The following RBPJ variants were observed in gnomAD, a reference collection of about 807,000 sequenced individuals.
RBPJ encodes recombining binding protein suppressor of hairless.
Under a neutral mutation model 67.8 loss-of-function variants are expected in RBPJ, and 9 were observed. The ratio of observed to expected loss-of-function variants is 0.13; its 90% CI spans 0.08 to 0.23. RBPJ has a LOEUF of 0.23. RBPJ is among the 10% of genes least tolerant of loss of function. The pLI, the probability that RBPJ is intolerant of heterozygous loss-of-function variation, is 1.00. For missense variants in RBPJ, 305 were observed against 595.6 expected (o/e 0.51, Z 5.08); for synonymous variants, 198 against 203.3 (o/e 0.97, Z 0.22).
chr4:26,232,088 G>C lies in RBPJ; in HGVS notation c.-167+68474G>C, dbSNP rs549453537. ...TTTTTGTATTTTTAGTAGAGACGGG[G>C]TTTCACCATGTTGGTTAGGCTGGTC... On this transcript the variant is annotated intron_variant, in intron 1 of 4. Transcript: ENST00000512351. 1.1e-3 allele frequency among the ~76,000 whole-genome samples: 174 copies of C among 151,586 alleles called. 2 individuals carry two copies. Among genetic ancestry groups the C allele is most frequent in the African/African-American group, 4.1e-3 (169 of 41,312 alleles).
rs115440555 is a variant in RBPJ, at chr4:26,260,592, A to G, written c.-167+96978A>G. On this transcript the variant is annotated intron_variant, in intron 1 of 4. Coordinates refer to the RBPJ transcript ENST00000512351. ...TCTAACCTTTCAAAATGGCCAGACA[A>G]CGGAAGATTTTGAAGTTGCTTTGTT... is the stretch of plus-strand genomic sequence containing the variant. 9.8e-3 allele frequency among the ~76,000 whole-genome samples: 1,487 copies of G among 152,338 alleles called. 19 individuals carry two copies. The highest frequency in any genetic ancestry group is 0.031 in the African/African-American group (1,302 of 41,578).
At chr4:26,335,923 A>G (rs552816387) in intron 1 of RBPJ, among the ~76,000 whole-genome samples, 41 of 152,210 alleles carry the variant, frequency 2.7e-4, no homozygotes, top group Non-Finnish European at 4.3e-4. Context: ...ACGCCCGGCA[A>G]TGCTTACTTC....
chr4:26,339,655 A>C (rs1255425518), intron 1 of RBPJ, among the ~76,000 whole-genome samples: 1 of 151,620 alleles, frequency 6.6e-6, no homozygotes, highest in Non-Finnish European at 1.5e-5. Context: ...GAACAAAAAA[A>C]ACCTCTGTAA....
the RBPJ span, among the ~76,000 whole-genome samples, chr4:26,133,687 T>C: frequency 6.6e-6 from 1 of 152,142 alleles, no homozygotes; most frequent in South Asian, 2.1e-4. Flanking sequence ...TTTGTGAGAA[T>C]CTAACTAGTG....
chr4:26,244,474 CAT>C (rs1719854412), intron 1 of RBPJ, among the ~76,000 whole-genome samples: 1 of 144,136 alleles, frequency 6.9e-6, no homozygotes, highest in African/African-American at 2.6e-5. Context: ...TATATGTATA[CAT>C]ATGTGTGTAT....
At chr4:26,375,160 T>C (rs578235217) in intron 1 of RBPJ, among the ~76,000 whole-genome samples, 1 of 151,900 alleles carries the variant, frequency 6.6e-6, no homozygotes, top group South Asian at 2.1e-4. Flanking sequence ...AAAAATTAGG[T>C]GGCCATGGTG....
At chr4:26,407,750 C>T (rs1733579067) in intron 3 of RBPJ, among the ~76,000 whole-genome samples, 1 of 151,968 alleles carries the variant, frequency 6.6e-6, no homozygotes, top group Non-Finnish European at 1.5e-5. Context: ...TAAAGGAAAC[C>T]TCAGCTTATG....
chr4:26,361,760 G>T (rs1191407689), intron 1 of RBPJ, among the ~76,000 whole-genome samples: 2 of 152,086 alleles, frequency 1.3e-5, no homozygotes, highest in Non-Finnish European at 2.9e-5. Flanking sequence ...ATTCTTAGTA[G>T]ATTTAAAATG....
intron 1 of RBPJ, among the ~76,000 whole-genome samples, chr4:26,340,998 G>A (rs1207532096): frequency 6.6e-6 from 1 of 152,154 alleles, no homozygotes; most frequent in Non-Finnish European, 1.5e-5. Context: ...TGTCTTTTGA[G>A]ACAGCTGGAT....
chr4:26,378,466 T>G (rs1241011808), intron 1 of RBPJ, among the ~76,000 whole-genome samples: 1 of 152,180 alleles, frequency 6.6e-6, no homozygotes, highest in East Asian at 1.9e-4. Flanking sequence ...GTAGTGGGGC[T>G]TGTGTTAGAG....
At chr4:26,205,569 G>A (rs1208050651) in intron 1 of RBPJ, among the ~76,000 whole-genome samples, 3 of 152,100 alleles carry the variant, frequency 2.0e-5, no homozygotes, top group African/African-American at 7.2e-5. Context: ...GGGCAACATA[G>A]AGAGACACCA....
At chr4:26,255,841 T>C (rs1720326588) in intron 1 of RBPJ, among the ~76,000 whole-genome samples, 1 of 151,478 alleles carries the variant, frequency 6.6e-6, no homozygotes, top group Admixed American at 6.6e-5. Flanking sequence ...GAAAATCACC[T>C]AAGTTCTAGT....
At chr4:26,412,105 A>T (rs919692505) in intron 3 of RBPJ, among the ~76,000 whole-genome samples, 17 of 125,246 alleles carry the variant, frequency 1.4e-4, no homozygotes, top group Non-Finnish European at 2.6e-4. Context: ...ACAGAGCAAG[A>T]CTCCGTCTCA....
the RBPJ span, among the ~76,000 whole-genome samples, chr4:26,108,723 C>T: frequency 1.3e-5 from 2 of 152,214 alleles, no homozygotes; most frequent in South Asian, 2.1e-4. Context: ...GGAGTGGCCT[C>T]TTAAAGGAAC....
intron 1 of RBPJ, among the ~76,000 whole-genome samples, chr4:26,235,339 A>G (rs1268385864): frequency 6.6e-6 from 1 of 152,230 alleles, no homozygotes; most frequent in Non-Finnish European, 1.5e-5. Context: ...CTCTGCCTCT[A>G]TTTAGCTATG....
chr4:26,199,036 T>C (rs1717885559), intron 1 of RBPJ, among the ~76,000 whole-genome samples: 1 of 152,168 alleles, frequency 6.6e-6, no homozygotes, highest in Non-Finnish European at 1.5e-5. Flanking sequence ...CGGGACTTTT[T>C]CTTCTTCCCC....
chr4:26,319,091 G>A (rs1001625361), upstream of RBPJ, among the ~76,000 whole-genome samples: 3 of 151,494 alleles, frequency 2.0e-5, no homozygotes, highest in African/African-American at 4.8e-5. Flanking sequence ...GTAGTGGCCA[G>A]ACTAGGTGAC....
At chr4:26,343,188 G>A (rs552352178) in intron 1 of RBPJ, 6 of 152,282 alleles carry the variant, frequency 3.9e-5, no homozygotes, top group African/African-American at 9.6e-5. Flanking sequence ...TCAGCAGGGC[G>A]AGTTAGGACG....
intron 1 of RBPJ, among the ~76,000 whole-genome samples, chr4:26,306,320 G>C (rs2109303647): frequency 6.6e-6 from 1 of 152,142 alleles, no homozygotes; most frequent in East Asian, 1.9e-4. Flanking sequence ...CTTTTATCAG[G>C]TTGAGAAAGT....
Sources: allele counts gnomAD v4.1 joint callset (sites outside exome capture counted in the v4.1 genomes callset), GRCh38; gene constraint gnomAD v4.1.1; transcripts MANE v1.5; gene names NCBI Gene and HGNC (gene_info 2026-07-23, HGNC 2026-07-21).